The following CCNY variants were observed in gnomAD, a reference collection of about 807,000 sequenced individuals.
The protein encoded by CCNY is cyclin Y, also known as cyclin-Y.
CCNY carries 19 observed loss-of-function variants against 42.8 expected under a neutral mutation model. The ratio of observed to expected loss-of-function variants is 0.44; its 90% CI spans 0.31 to 0.65. The LOEUF is 0.65. CCNY is among the 30% of genes least tolerant of loss of function. The pLI, the probability that CCNY is intolerant of heterozygous loss-of-function variation, is 0.07. For synonymous variants in CCNY, 165 were observed against 162.7 expected, an observed-to-expected ratio of 1.01 and a Z score of -0.11; for missense variants, 370 against 437.3, an observed-to-expected ratio of 0.85 and a Z score of 1.37.
chr10:35,544,079 A>C (rs573922559), intron 7 of CCNY, among the ~76,000 whole-genome samples: 1 of 152,256 alleles, frequency 6.6e-6, no homozygotes, highest in Non-Finnish European at 1.5e-5. Flanking sequence ...AAGTTATAGT[A>C]AGCTAAGTTT....
At chr10:35,334,821 G>C (rs1256409298), upstream of CCNY, among the ~76,000 whole-genome samples, 1 of 152,166 alleles carries the variant, frequency 6.6e-6, no homozygotes, top group African/African-American at 2.4e-5. Flanking sequence ...TAAATGAAAT[G>C]TTTATAAAGC....
intron 8 of CCNY, among the ~76,000 whole-genome samples, chr10:35,557,688 G>A (rs1180092941): frequency 1.3e-5 from 2 of 152,066 alleles, no homozygotes; most frequent in Non-Finnish European, 2.9e-5. Context: ...CCCAGGAGGC[G>A]GAGGTTGCAA....
chr10:35,291,600 C>T (rs750796964), intron 3 of CCNY, among the ~76,000 whole-genome samples: 1 of 146,076 alleles, frequency 6.8e-6, no homozygotes, highest in Non-Finnish European at 1.5e-5. Context: ...GGCACGATCT[C>T]GCTCACTGCT....
chr10:35,536,677 T>G (rs1379229060), intron 7 of CCNY, among the ~76,000 whole-genome samples: 2 of 152,154 alleles, frequency 1.3e-5, no homozygotes, highest in Non-Finnish European at 1.5e-5. Flanking sequence ...AAGAAACTGG[T>G]GGCATTTTGT....
At chr10:35,357,162 C>G (rs950464258) in intron 1 of CCNY, among the ~76,000 whole-genome samples, 21 of 152,050 alleles carry the variant, frequency 1.4e-4, no homozygotes, top group Admixed American at 1.2e-3. Flanking sequence ...CCAGAGAGAG[C>G]AGCCCCTGCT....
chr10:35,365,890 A>C (rs897858212), intron 1 of CCNY, among the ~76,000 whole-genome samples: 1 of 152,224 alleles, frequency 6.6e-6, no homozygotes, highest in Non-Finnish European at 1.5e-5. Context: ...CTACAAAGTT[A>C]TTAGTGTATA....
At chr10:35,302,154 G>T (rs1052426561) in intron 3 of CCNY, among the ~76,000 whole-genome samples, 5 of 150,020 alleles carry the variant, frequency 3.3e-5, no homozygotes, top group Non-Finnish European at 5.9e-5. Context: ...GTAGAGATGG[G>T]GTTTTGCCAT....
chr10:35,527,630 C>G (rs901535194), intron 5 of CCNY, among the ~76,000 whole-genome samples: 1 of 152,210 alleles, frequency 6.6e-6, no homozygotes, highest in Non-Finnish European at 1.5e-5. Context: ...CAATCTACCA[C>G]TCAGACCATT....
intron 1 of CCNY, among the ~76,000 whole-genome samples, chr10:35,461,577 C>T (rs1275210109): frequency 1.3e-5 from 2 of 151,954 alleles, no homozygotes; most frequent in African/African-American, 4.8e-5. Flanking sequence ...ACAGTTGGGC[C>T]CAGGAGAAGG....
At chr10:35,473,384 A>G (rs186305665) in intron 1 of CCNY, among the ~76,000 whole-genome samples, 1 of 152,278 alleles carries the variant, frequency 6.6e-6, no homozygotes, top group Non-Finnish European at 1.5e-5. Flanking sequence ...TAGAGTAACT[A>G]TTTAAATTTT....
chr10:35,389,236 A>G (rs1319545881), intron 1 of CCNY, among the ~76,000 whole-genome samples: 1 of 152,098 alleles, frequency 6.6e-6, no homozygotes, highest in African/African-American at 2.4e-5. Context: ...TGCTGCTACT[A>G]CTACTACTGC....
chr10:35,249,727 A>G (rs893669460), intron 2 of CCNY, among the ~76,000 whole-genome samples: 3 of 152,176 alleles, frequency 2.0e-5, no homozygotes, highest in African/African-American at 7.2e-5. Flanking sequence ...GCAGAAAAAA[A>G]TAACCTCGCA....
intron 1 of CCNY, among the ~76,000 whole-genome samples, chr10:35,471,847 T>G (rs1301091017): frequency 6.6e-6 from 1 of 152,242 alleles, no homozygotes; most frequent in African/African-American, 2.4e-5. Context: ...ATGACATTCC[T>G]TAAAACTGCC....
In CCNY at chr10:35,569,321, G is replaced by A. The variant is rs1841639215; in HGVS notation, c.*151G>A. On this transcript the variant is annotated 3_prime_UTR_variant, in exon 10 of 10. Coordinates refer to ENST00000374704, the MANE Select transcript of CCNY (RefSeq NM_145012.6). Reference sequence around the variant, plus strand: ...AGCTGCCTGGATGAGCGCCCATGCAGCAAGGCTTGGAGGAAGCGTCAGTGC... The same window carrying A: ...AGCTGCCTGGATGAGCGCCCATGCAACAAGGCTTGGAGGAAGCGTCAGTGC... 4.8e-6 allele frequency: 3 copies of A among 625,516 alleles called. No individual in the cohort carries two copies. Among genetic ancestry groups the A allele is most frequent in the Non-Finnish European group, 8.6e-6 (3 of 348,948 alleles). 38.7% of individuals were successfully genotyped at this position (625,516 alleles called of 1,614,324 possible).
At chr10:35,525,459 A>G (rs143801224) in intron 4 of CCNY, among the ~76,000 whole-genome samples, 380 of 152,348 alleles carry the variant, frequency 2.5e-3, no homozygotes, top group African/African-American at 8.1e-3. Context: ...AATAAAAGTT[A>G]CAGTACCATT....
At chr10:35,517,672 G>A (rs1840457727) in intron 4 of CCNY, among the ~76,000 whole-genome samples, 1 of 152,174 alleles carries the variant, frequency 6.6e-6, no homozygotes, top group Admixed American at 6.5e-5. Flanking sequence ...GCGCTTGTCA[G>A]GTTCCGTGCT....
intron 3 of CCNY, among the ~76,000 whole-genome samples, chr10:35,315,975 T>C (rs1342056532): frequency 6.6e-6 from 1 of 152,248 alleles, no homozygotes; most frequent in Non-Finnish European, 1.5e-5. Flanking sequence ...GTCTCTATAA[T>C]ATTGACTACT....
chr10:35,305,291 C>T (rs112091952), intron 3 of CCNY, among the ~76,000 whole-genome samples: 8,764 of 152,204 alleles, frequency 0.058, 388 homozygotes, highest in African/African-American at 0.12. Flanking sequence ...GCTCTAATTC[C>T]CCCCTGCTAA....
At chr10:35,337,230 C>G in intron 1 of CCNY, 23 bp downstream of exon 1, 1 of 1,489,452 alleles carries the variant, frequency 6.7e-7, no homozygotes, top group African/African-American at 1.4e-5. Context: ...CGCCGAGCCC[C>G]CTACCCGCCC....
Sources: gnomAD v4.1 joint callset for allele counts (sites outside exome capture counted in the v4.1 genomes callset) on GRCh38, gnomAD v4.1.1 for gene constraint, MANE v1.5 for transcripts, NCBI Gene and HGNC (gene_info 2026-07-23, HGNC 2026-07-21) for gene names.